SIRT6: variants seen among roughly 807,000 people sequenced by gnomAD.
SIRT6 encodes the protein NAD-dependent protein deacylase sirtuin-6.
Under a neutral mutation model 33.6 loss-of-function variants are expected in SIRT6, and 21 were observed. That is an observed-to-expected ratio of 0.62 (90% CI 0.44 to 0.90). The LOEUF is 0.90. Among genes scored for constraint, SIRT6 ranks in the 40% least tolerant of loss-of-function variants. SIRT6 has a pLI of 0.00. For missense variants in SIRT6, 504 were observed against 510.6 expected, an observed-to-expected ratio of 0.99 and a Z score of 0.12; for synonymous variants, 221 against 223.9, an observed-to-expected ratio of 0.99 and a Z score of 0.12.
At position 4,180,767 on chromosome 19, in the gene SIRT6, T is replaced by C; in HGVS notation, c.194+15A>G. 1 of 1,601,070 alleles carries C rather than the reference T, an allele frequency of 6.2e-7. No individual in the cohort carries two copies. The highest frequency in any genetic ancestry group is 8.5e-7 in the Non-Finnish European group (1 of 1,172,534). ...TGGTAGGCCTTGCCTCGACTTCCCC[T>C]GCACAATCACAGACCTGAAGTCGGG... On this transcript the variant is annotated intron_variant, in intron 2 of 7. Transcript: ENST00000337491.
intron 2 of SIRT6, among the ~76,000 whole-genome samples, chr19:4,179,756 G>A (rs967426971): frequency 6.6e-6 from 1 of 152,172 alleles, no homozygotes; most frequent in African/African-American, 2.4e-5. Flanking sequence ...GAGGTACCTG[G>A]GCCTGGGGAA....
At position 4,182,520 on chromosome 19, in the gene SIRT6, G is replaced by T. The variant is rs753254418; in HGVS notation, c.20C>A (p.Ala7Glu). ...CTTGTCCGCGTACGGCGACAGCCCC[G>T]CCGCGTAATTCACCGACATCCTCGA... MSVNYAAGLSPYADKGK... is the reference protein window; with the variant it reads MSVNYAEGLSPYADKGK... The change falls in exon 1 of 8, where the codon GCG (alanine) becomes GAG (glutamate). Residue 7 changes from alanine (A) to glutamate (E), a missense_variant. Coordinates refer to ENST00000337491, the MANE Select transcript of SIRT6 (RefSeq NM_016539.4). The T allele has an allele frequency of 1.2e-6, 2 of 1,611,254 alleles. No individual in the cohort carries two copies. The highest frequency in any genetic ancestry group is 1.7e-6 in the Non-Finnish European group (2 of 1,179,014).
rs201169687 is a variant in SIRT6, at chr19:4,180,862, C to T, written c.114G>A (p.Ala38=). The change falls in exon 2 of 8, where the codon GCG becomes GCA. Residue 38 remains alanine (A), a synonymous_variant. Transcript: ENST00000337491. ...EELERKVWEL[A]RLVWQSSSVV... is the part of the protein sequence containing the mutation. ...CACTGGAAGACTGCCAGACCAGCCT[C>T]GCCAGTTCCCACACCTTCCGCTCCA... 1.1e-5 allele frequency: 18 copies of T among 1,613,742 alleles called. No individual in the cohort carries two copies. The highest frequency in any genetic ancestry group is 6.7e-5 in the Admixed American group (4 of 59,978).
intron 1 of SIRT6, among the ~76,000 whole-genome samples, chr19:4,181,514 T>C (rs1167040886): frequency 6.6e-6 from 1 of 152,182 alleles, no homozygotes; most frequent in East Asian, 1.9e-4. Flanking sequence ...AGGCCGGGTA[T>C]GGTGGCTCAC....
intron 4 of SIRT6, 93 bp downstream of exon 4, chr19:4,176,986 G>T: frequency 1.9e-6 from 2 of 1,060,796 alleles, no homozygotes; most frequent in Admixed American, 2.3e-5. Context: ...CCACACCCCA[G>T]TCCCCCCATA....
At position 4,175,063 on chromosome 19, in the gene SIRT6, G is replaced by A. The variant is rs200860440; in HGVS notation, c.703C>T (p.Arg235Cys). The A allele has an allele frequency of 1.5e-5, 24 of 1,588,628 alleles. No homozygotes were observed. The highest frequency in any genetic ancestry group is 3.6e-5 in the Admixed American group (2 of 56,082). The change falls in exon 7 of 8, where the codon CGC (arginine) becomes TGC (cysteine). Residue 235 changes from arginine (R) to cysteine (C), a missense_variant. Transcript: ENST00000337491. ...GGCTGCAGGTTGACGATGACCAGGC[G>A]GCCTCCCCGGCGCTTGGTAGCCAGC... ...LPLATKRRGG[R>C]LVIVNLQPTK... is the part of the protein sequence containing the mutation.
intron 3 of SIRT6, among the ~76,000 whole-genome samples, chr19:4,177,764 G>C (rs1159261112): frequency 6.6e-6 from 1 of 150,778 alleles, no homozygotes. Flanking sequence ...CTAATTTTTT[G>C]TATTTTTAGT....
rs747928110 is a variant in SIRT6 at position 4,174,746 on chromosome 19, G to C, written c.939C>G (p.Ala313=). 2.4e-5 allele frequency: 36 copies of C among 1,488,428 alleles called. No individual in the cohort carries two copies. In the African/African-American group the frequency reaches 3.1e-4, roughly 13 times the overall value. 92.2% of individuals were successfully genotyped at this position (1,488,428 alleles called of 1,614,324 possible). ...GGGCGCAGGGCTCCTGCTTGGGGCC[G>C]GCGGGGATAGAGCCGTTGATCCGGG... is the stretch of plus-strand genomic sequence containing the variant. ...SPTRINGSIP[A]GPKQEPCAQH... The change falls in exon 8 of 8, where the codon GCC becomes GCG. Residue 313 remains alanine (A), a synonymous_variant. Coordinates refer to ENST00000337491, the MANE Select transcript of SIRT6 (RefSeq NM_016539.4). The surrounding 1 kb of genome is among the most constrained non-coding windows in gnomAD (Gnocchi z 4.2).
chr19:4,176,372 C>T (rs1346787785), intron 4 of SIRT6, among the ~76,000 whole-genome samples: 2 of 152,212 alleles, frequency 1.3e-5, no homozygotes, highest in Non-Finnish European at 2.9e-5. Context: ...GGGCAGATCA[C>T]AAGGTCAGGA....
Position 4,174,817 on chromosome 19 carries a change from G to GGCGGGCCCCCCCCCCCCCCCC in SIRT6, c.867_868insGGGGGGGGGGGGGGGGCCCGC (p.Leu289_Pro290insGlyGlyGlyGlyGlyAlaArg). On this transcript the variant is annotated inframe_insertion, in exon 8 of 8. Coordinates refer to ENST00000337491, the MANE Select transcript of SIRT6 (RefSeq NM_016539.4). The surrounding 1 kb of genome is among the most constrained non-coding windows in gnomAD (Gnocchi z 4.2). ...TCCAGCTTGGGGGTGGGCGGGCGGGGCAGGGGTGGCAGCGCCCTCTCCAGC... is the reference window on the plus strand; with the variant it reads ...TCCAGCTTGGGGGTGGGCGGGCGGGGGCGGGCCCCCCCCCCCCCCCCCAGGGGTGGCAGCGCCCTCTCCAGC... The GGCGGGCCCCCCCCCCCCCCCC allele has an allele frequency of 2.2e-6, 1 of 447,554 alleles. No individual in the cohort carries two copies. Among genetic ancestry groups the GGCGGGCCCCCCCCCCCCCCCC allele is most frequent in the Non-Finnish European group, 4.4e-6 (1 of 229,050 alleles). 27.7% of individuals were successfully genotyped at this position (447,554 alleles called of 1,614,324 possible). A position where few individuals can be genotyped will look rare whatever the true frequency, so the allele number is the denominator to read the frequency against.
In SIRT6 at chr19:4,174,365, A is replaced by G. The variant is rs1967150096; in HGVS notation, c.*252T>C. The G allele has an allele frequency of 5.2e-6, 2 of 383,706 alleles. No individual in the cohort carries two copies. Among genetic ancestry groups the G allele is most frequent in the Non-Finnish European group, 9.2e-6 (2 of 216,444 alleles). The allele number at this position is 383,706 out of a possible 1,614,324, so 23.8% of individuals were successfully genotyped here. A position where few individuals can be genotyped will look rare whatever the true frequency, so the allele number is the denominator to read the frequency against. ...GGGCCCAGCCTCACCTCTGGACAAC[A>G]CAGCAAGTCAGAGGCTGGGGTGTGG... On this transcript the variant is annotated 3_prime_UTR_variant, in exon 8 of 8. Transcript: ENST00000337491. This position sits in a 1 kb window ranked among gnomAD's most constrained non-coding sequence, Gnocchi z 4.2.
At chr19:4,177,739 C>G (rs553860468) in intron 3 of SIRT6, among the ~76,000 whole-genome samples, 2 of 151,876 alleles carry the variant, frequency 1.3e-5, no homozygotes, top group East Asian at 3.9e-4. Flanking sequence ...TACAGGCGCC[C>G]GCCACCACGC....
rs1313494803 is a variant in SIRT6, at chr19:4,174,865, G to T, written c.820C>A (p.Pro274Thr). 1 of 1,600,814 alleles carries T rather than the reference G, an allele frequency of 6.2e-7. No individual in the cohort carries two copies. Among genetic ancestry groups the T allele is most frequent in the Non-Finnish European group, 8.5e-7 (1 of 1,179,522 alleles). Residue 274 changes from proline (P) to threonine (T), a missense_variant, in exon 8 of 8, where the codon CCC (proline) becomes ACC (threonine). By Grantham distance (38) the Pro-to-Thr change is conservative (BLOSUM62 -1). Transcript: ENST00000337491. The surrounding 1 kb of genome is among the most constrained non-coding windows in gnomAD (Gnocchi z 4.2). ...RLMKHLGLEIPAWDGPRVLER... is the reference protein window; with the variant it reads ...RLMKHLGLEITAWDGPRVLER... The stretch of plus-strand genomic sequence containing the variant: ...AGCACACGGGGGCCGTCCCAGGCGG[G>T]GATCTCCAGCCCCAGGTGCTTCATG...
At chr19:4,175,782 G>A in intron 5 of SIRT6, 22 bp from the exon 6 acceptor site, 2 of 1,556,356 alleles carry the variant, frequency 1.3e-6, no homozygotes, top group Non-Finnish European at 1.7e-6. Context: ...AAGCTGAGGA[G>A]AGTCCTCAGG....
intron 1 of SIRT6, chr19:4,182,063 T>C (rs4807546): frequency 0.12 from 20,675 of 169,270 alleles, 1,723 homozygotes; most frequent in East Asian, 0.35. Flanking sequence ...TCTGGCACAT[T>C]CTGTCCAGTC....
Position 4,180,838 on chromosome 19 carries a change from A to G in SIRT6, c.138T>C (p.Ser46=), listed in dbSNP as rs748344681. ...TGCCGGCACCCGTGTGGAACACCACACTGGAAGACTGCCAGACCAGCCTCG... is the reference window on the plus strand; with the variant it reads ...TGCCGGCACCCGTGTGGAACACCACGCTGGAAGACTGCCAGACCAGCCTCG... ...ELARLVWQSS[S]VVFHTGAGIS... Residue 46 remains serine, a synonymous_variant, in exon 2 of 8, where the codon AGT becomes AGC. Coordinates refer to ENST00000337491, the MANE Select transcript of SIRT6 (RefSeq NM_016539.4). The G allele has an allele frequency of 3.1e-6, 5 of 1,613,636 alleles. No individual in the cohort carries two copies. Among genetic ancestry groups the G allele is most frequent in the Admixed American group, 1.7e-5 (1 of 59,980 alleles).
rs201695126 is a variant in SIRT6 at position 4,175,072 on chromosome 19, G to C, written c.694C>G (p.Arg232Gly). 6.3e-7 allele frequency: 1 copy of C among 1,591,708 alleles called. No individual in the cohort carries two copies. The highest frequency in any genetic ancestry group is 8.6e-7 in the Non-Finnish European group (1 of 1,168,922). Residue 232 changes from arginine (R) to glycine (G), a missense_variant, in exon 7 of 8, where the codon CGG becomes GGG. By Grantham distance (125) the Arg-to-Gly change is moderately radical (BLOSUM62 -2). Coordinates refer to ENST00000337491, the MANE Select transcript of SIRT6 (RefSeq NM_016539.4). ...SGNLPLATKRRGGRLVIVNLQ... is the reference protein window; with the variant it reads ...SGNLPLATKRGGGRLVIVNLQ... ...TTGACGATGACCAGGCGGCCTCCCC[G>C]GCGCTTGGTAGCCAGCGGCAGGTTC...
chr19:4,177,678 C>T (rs1175356217), intron 3 of SIRT6, among the ~76,000 whole-genome samples: 1 of 152,190 alleles, frequency 6.6e-6, no homozygotes, highest in African/African-American at 2.4e-5. Context: ...ACAACCTCTG[C>T]CTCCGGGGTT....
At chr19:4,179,481 C>A in intron 2 of SIRT6, 195 bp from the exon 3 acceptor site, 1 of 609,024 alleles carries the variant, frequency 1.6e-6, no homozygotes. Context: ...GGGGATAGAA[C>A]AAGACACAGA....
Sources: allele counts gnomAD v4.1 joint callset (sites outside exome capture counted in the v4.1 genomes callset), GRCh38; gene constraint gnomAD v4.1.1; non-coding constraint Gnocchi (gnomAD v3.1); transcripts MANE v1.5; gene names NCBI Gene and HGNC (gene_info 2026-07-23, HGNC 2026-07-21).